TIMM23: variants seen among roughly 807,000 people sequenced by gnomAD.
The protein encoded by TIMM23 is mitochondrial import inner membrane translocase subunit Tim23.
Under a neutral mutation model 30.7 loss-of-function variants are expected in TIMM23, and 19 were observed. The observed-to-expected ratio is 0.62, with a 90% CI of 0.43 to 0.91. The LOEUF (loss-of-function observed/expected upper bound fraction) is 0.91, where lower values mean the gene tolerates loss of function less well. Among genes scored for constraint, TIMM23 ranks in the 40% least tolerant of loss-of-function variants. TIMM23 has a pLI of 0.00. For missense variants in TIMM23, 202 were observed against 269.2 expected (o/e 0.75, Z 1.75); for synonymous variants, 78 against 98.5 (o/e 0.79, Z 1.23).
intron 1 of TIMM23, among the ~76,000 whole-genome samples, chr10:45,974,570 G>T (rs1837608264): frequency 6.6e-6 from 1 of 152,308 alleles, no homozygotes; most frequent in East Asian, 1.9e-4. Flanking sequence ...GTAGGATTTT[G>T]TAAGTTATGG....
At chr10:45,996,138 G>A (rs1554916663) in intron 6 of TIMM23, among the ~76,000 whole-genome samples, 40,025 of 139,714 alleles carry the variant, frequency 0.29, 6,185 homozygotes, top group East Asian at 0.35. Context: ...AAGGCGGGAG[G>A]ATCACAATGT....
intron 6 of TIMM23, among the ~76,000 whole-genome samples, chr10:45,994,056 G>C (rs1344899201): frequency 2.2e-4 from 33 of 152,160 alleles, no homozygotes; most frequent in Admixed American, 2.2e-3. Context: ...AAGGAAATAC[G>C]AAATGCTGGG....
At chr10:45,998,112 G>A (rs1402150150) in intron 6 of TIMM23, among the ~76,000 whole-genome samples, 4 of 152,098 alleles carry the variant, frequency 2.6e-5, no homozygotes, top group African/African-American at 9.7e-5. Flanking sequence ...TGTGTTTTAC[G>A]TTTTTTAGTT....
intron 5 of TIMM23, 146 bp downstream of exon 5, chr10:45,985,587 G>C (rs1837968419): frequency 2.0e-6 from 2 of 1,013,010 alleles, no homozygotes; most frequent in African/African-American, 3.2e-5. Flanking sequence ...ATACTACTTA[G>C]GGAAAGACCA....
At chr10:45,990,434 T>C (rs1437170761) in intron 6 of TIMM23, among the ~76,000 whole-genome samples, 1 of 151,346 alleles carries the variant, frequency 6.6e-6, no homozygotes, top group African/African-American at 2.4e-5. Flanking sequence ...TTTTAATTTT[T>C]TTTTTAAGAC....
chr10:45,992,759 T>C (rs1838204143), intron 6 of TIMM23: 7 of 351,896 alleles, frequency 2.0e-5, no homozygotes, highest in Non-Finnish European at 3.9e-5. Context: ...GGTTTCACCA[T>C]GTTGGCCAGG....
At chr10:45,991,317 C>T (rs1182498295) in intron 6 of TIMM23, among the ~76,000 whole-genome samples, 2 of 152,138 alleles carry the variant, frequency 1.3e-5, no homozygotes, top group African/African-American at 4.8e-5. Flanking sequence ...GTTTTTTGGA[C>T]AGAGGATTAG....
intron 1 of TIMM23, among the ~76,000 whole-genome samples, chr10:45,973,287 A>G (rs1837555446): frequency 6.6e-6 from 1 of 152,252 alleles, no homozygotes; most frequent in Non-Finnish European, 1.5e-5. Flanking sequence ...TAAGAATTAT[A>G]GAAACGGAAA....
chr10:45,986,317 T>C (rs61849536), intron 5 of TIMM23, among the ~76,000 whole-genome samples: 6 of 152,286 alleles, frequency 3.9e-5, no homozygotes, highest in African/African-American at 1.4e-4. Flanking sequence ...CCCCGCTCTG[T>C]TTCTTTTAAT....
At chr10:45,978,759 CTT>C (rs1837751921) in intron 2 of TIMM23, among the ~76,000 whole-genome samples, 2 of 151,998 alleles carry the variant, frequency 1.3e-5, no homozygotes, top group African/African-American at 4.8e-5. Flanking sequence ...ATAGAGTTAC[CTT>C]ATGACTGGCA....
At chr10:45,975,312 G>A (rs1837634266) in intron 1 of TIMM23, 142 bp from the exon 2 acceptor site, 4 of 1,060,146 alleles carry the variant, frequency 3.8e-6, no homozygotes, top group Non-Finnish European at 5.7e-6. Context: ...GACAGATAGG[G>A]AGGATAAAAT....
intron 6 of TIMM23, among the ~76,000 whole-genome samples, chr10:45,997,759 C>T (rs1253583507): frequency 2.6e-5 from 4 of 152,040 alleles, no homozygotes; most frequent in African/African-American, 9.7e-5. Context: ...GAGCCTTTAC[C>T]AAACCACTGC....
At chr10:45,999,623 C>A (rs1202747978) in intron 6 of TIMM23, among the ~76,000 whole-genome samples, 2 of 152,010 alleles carry the variant, frequency 1.3e-5, no homozygotes, top group African/African-American at 4.8e-5. Context: ...GGAGGCAGGG[C>A]GAGATCATAG....
At chr10:45,993,480 C>T (rs1256365353) in intron 6 of TIMM23, among the ~76,000 whole-genome samples, 7 of 151,824 alleles carry the variant, frequency 4.6e-5, no homozygotes, top group Non-Finnish European at 7.4e-5. Context: ...TCTCGAACTC[C>T]CGACCTCAGG....
At chr10:45,999,831 C>T (rs1238928095) in intron 6 of TIMM23, among the ~76,000 whole-genome samples, 1 of 152,056 alleles carries the variant, frequency 6.6e-6, no homozygotes, top group African/African-American at 2.4e-5. Flanking sequence ...GTCTACAGAC[C>T]ATAAAAGATG....
At chr10:45,974,158 TGG>T (rs1554912452) in intron 1 of TIMM23, among the ~76,000 whole-genome samples, 45 of 139,738 alleles carry the variant, frequency 3.2e-4, no homozygotes, top group African/African-American at 8.5e-4. Context: ...GTGGTTTTTG[TGG>T]GGGTTTTTTT....
chr10:45,997,666 A>G (rs1262144055), intron 6 of TIMM23, among the ~76,000 whole-genome samples: 1 of 152,090 alleles, frequency 6.6e-6, no homozygotes, highest in Admixed American at 6.6e-5. Flanking sequence ...TTAGCCCGGT[A>G]TGGTGGTGCA....
At chr10:45,992,008 C>T (rs1168254116) in intron 6 of TIMM23, among the ~76,000 whole-genome samples, 4 of 151,732 alleles carry the variant, frequency 2.6e-5, no homozygotes, top group African/African-American at 9.7e-5. Context: ...GCTCTGTCAC[C>T]CAGGCTAAAG....
At position 45,972,505 on chromosome 10, in the gene TIMM23, G is replaced by A; in HGVS notation, c.-120G>A. The A allele has an allele frequency of 2.8e-6, 4 of 1,437,160 alleles. No homozygotes were observed. Among genetic ancestry groups the A allele is most frequent in the Non-Finnish European group, 3.7e-6 (4 of 1,075,664 alleles). The allele number at this position is 1,437,160 out of a possible 1,614,324, so 89.0% of individuals were successfully genotyped here. ...CTTAACGGGAACCGGCGCCCGGAAGGTCAGCGTGTGAAGTAGGCGCTGGCA... is the reference window on the plus strand; with the variant it reads ...CTTAACGGGAACCGGCGCCCGGAAGATCAGCGTGTGAAGTAGGCGCTGGCA... On this transcript the variant is annotated 5_prime_UTR_variant, in exon 1 of 7. Coordinates refer to ENST00000580018, the MANE Select transcript of TIMM23 (RefSeq NM_006327.4).
Sources: gnomAD v4.1 joint callset for allele counts (sites outside exome capture counted in the v4.1 genomes callset) on GRCh38, gnomAD v4.1.1 for gene constraint, MANE v1.5 for transcripts, NCBI Gene and HGNC (gene_info 2026-07-23, HGNC 2026-07-21) for gene names.